The following NUP107 variants were observed in gnomAD, a reference collection of about 807,000 sequenced individuals.
NUP107 encodes nucleoporin 107.
NUP107 carries 101 observed loss-of-function variants against 141.0 expected under a neutral mutation model. The ratio of observed to expected loss-of-function variants is 0.72; its 90% CI spans 0.61 to 0.84. The LOEUF is 0.84. Among genes scored for constraint, NUP107 ranks in the 40% least tolerant of loss-of-function variants. The probability of loss-of-function intolerance (pLI) is 0.00; values close to 1 mark genes in which losing one functional copy is unlikely to be tolerated. For missense variants in NUP107, 941 were observed against 1,102.7 expected (o/e 0.85, Z 2.08); for synonymous variants, 319 against 363.9 (o/e 0.88, Z 1.41).
At chr12:68,718,203 A>G (rs931606849) in intron 12 of NUP107, among the ~76,000 whole-genome samples, 52 of 152,318 alleles carry the variant, frequency 3.4e-4, no homozygotes, top group African/African-American at 1.2e-3. Context: ...ACATGGAGCT[A>G]GCAATCTCAG....
intron 11 of NUP107, 62 bp from the exon 12 acceptor site, chr12:68,715,565 T>C (rs1877066236): frequency 1.2e-6 from 1 of 846,888 alleles, no homozygotes; most frequent in African/African-American, 1.7e-5. Flanking sequence ...CTTGATGATG[T>C]GTAAAATGTA....
intron 26 of NUP107, among the ~76,000 whole-genome samples, chr12:68,741,213 T>A (rs1878306804): frequency 6.6e-6 from 1 of 152,322 alleles, no homozygotes. Flanking sequence ...TTAAGAAAGA[T>A]CCATGTATGT....
At chr12:68,687,760 T>C (rs1462459759) in intron 1 of NUP107, 2 of 529,978 alleles carry the variant, frequency 3.8e-6, no homozygotes, top group East Asian at 1.5e-4. Context: ...GTTGAATATA[T>C]ATTATTAGCT....
rs1447469197 is a variant in NUP107, at chr12:68,688,995, C to G, written c.42C>G (p.Ile14Met). ...SGFGEISSPV[I>M]REAEVTRTAR... ...TTGGAGAGATATCATCCCCTGTAAT[C>G]CGGGAGGCAGAGGTGACACGGACTG... The change falls in exon 2 of 28, where the codon ATC (isoleucine) becomes ATG (methionine). Residue 14 changes from isoleucine (I) to methionine (M), a missense_variant. Transcript: ENST00000229179. The G allele has an allele frequency of 1.2e-6, 2 of 1,613,608 alleles. No homozygotes were observed. Among genetic ancestry groups the G allele is most frequent in the South Asian group, 2.2e-5 (2 of 91,014 alleles).
chr12:68,736,709 G>GT (rs1249300867), intron 26 of NUP107, among the ~76,000 whole-genome samples: 6 of 141,534 alleles, frequency 4.2e-5, no homozygotes, highest in Non-Finnish European at 7.6e-5. Context: ...GAGTCAATGT[G>GT]TCGCCACCTT....
intron 5 of NUP107, among the ~76,000 whole-genome samples, chr12:68,694,144 A>G (rs1592492249): frequency 6.6e-6 from 1 of 152,204 alleles, no homozygotes; most frequent in Non-Finnish European, 1.5e-5. Context: ...TTTGGTAACT[A>G]CTACTTTCTT....
rs573932879 is a variant in NUP107 at position 68,713,068 on chromosome 12, T to C, written c.891-662T>C. On this transcript the variant is annotated intron_variant, in intron 10 of 27. Transcript: ENST00000229179. Reference sequence around the variant, plus strand: ...GGTTTGACTTTATCAAAATTAAAAATGTATCATTAAAAAAACACCATTGGC... The same window carrying C: ...GGTTTGACTTTATCAAAATTAAAAACGTATCATTAAAAAAACACCATTGGC... Among the ~76,000 whole-genome samples the C allele has an allele frequency of 2.6e-5, 4 of 151,786 alleles. No homozygotes were observed. The East Asian group carries it at 5.8e-4, about 22-fold the overall frequency.
intron 15 of NUP107, among the ~76,000 whole-genome samples, chr12:68,721,569 A>G (rs912670664): frequency 6.6e-6 from 1 of 152,170 alleles, no homozygotes; most frequent in Non-Finnish European, 1.5e-5. Context: ...TATTATAGCT[A>G]TCTTTAGGGA....
rs1877808138 is a variant in NUP107 at position 68,731,193 on chromosome 12, A to G, written c.1818A>G (p.Ala606=). ...LPQDLAVAQY[A]LFLESVTEFE... ...AAGACCTAGCTGTTGCCCAGTATGCATTATTTTTGGAAAGTGTTACAGAAT... is the reference window on the plus strand; with the variant it reads ...AAGACCTAGCTGTTGCCCAGTATGCGTTATTTTTGGAAAGTGTTACAGAAT... The change falls in exon 21 of 28, where the codon GCA becomes GCG. Residue 606 remains alanine (A), a synonymous_variant. Coordinates refer to ENST00000229179, the MANE Select transcript of NUP107 (RefSeq NM_020401.4). 2 of 1,612,618 alleles carry G rather than the reference A, an allele frequency of 1.2e-6. No homozygotes were observed. Among genetic ancestry groups the G allele is most frequent in the East Asian group, 4.5e-5 (2 of 44,794 alleles).
chr12:68,726,328 G>A (rs1413040122), intron 18 of NUP107, among the ~76,000 whole-genome samples, 171 bp from the exon 19 acceptor site: 4 of 152,080 alleles, frequency 2.6e-5, no homozygotes, highest in Non-Finnish European at 5.9e-5. Context: ...AATAAAGTTC[G>A]GATTGAACCC....
In NUP107 at chr12:68,726,557, C is replaced by T. The variant is rs1877572787; in HGVS notation, c.1635C>T (p.His545=). The part of the protein sequence containing the change: ...LSKSRNNLPG[H]LLRFMTHLIL... Reference sequence around the variant, plus strand: ...AAAGCAGAAACAATCTACCTGGACACCTGCTTCGCTTTATGACTCACCTTA... The same window carrying T: ...AAAGCAGAAACAATCTACCTGGACATCTGCTTCGCTTTATGACTCACCTTA... The change falls in exon 19 of 28, where the codon CAC becomes CAT. Residue 545 remains histidine (H), a synonymous_variant. Transcript: ENST00000229179. The T allele has an allele frequency of 6.2e-7, 1 of 1,614,016 alleles. No homozygotes were observed. The highest frequency in any genetic ancestry group is 1.7e-5 in the Admixed American group (1 of 60,022).
intron 26 of NUP107, among the ~76,000 whole-genome samples, chr12:68,738,877 T>TA (rs1878198116): frequency 6.6e-6 from 1 of 152,244 alleles, no homozygotes; most frequent in Non-Finnish European, 1.5e-5. Context: ...GCGACTGTCT[T>TA]ACCCAGAACT....
Position 68,741,839 on chromosome 12 carries a change from A to G in NUP107, c.2529A>G (p.Thr843=), listed in dbSNP as rs759297285. ...REDAKEDHER[T]HQMVLLRKLC... is the part of the protein sequence containing the mutation. Reference sequence around the variant, plus strand: ...ATGCCAAAGAAGACCATGAAAGAACACATCAAATGGTCTTACTGAGAAAGC... The same window carrying G: ...ATGCCAAAGAAGACCATGAAAGAACGCATCAAATGGTCTTACTGAGAAAGC... Residue 843 remains threonine (T), a synonymous_variant, in exon 27 of 28, where the codon ACA becomes ACG. Transcript: ENST00000229179. 28 of 1,613,408 alleles carry G rather than the reference A, an allele frequency of 1.7e-5. No individual in the cohort carries two copies. The highest frequency in any genetic ancestry group is 1.7e-5 in the Non-Finnish European group (20 of 1,179,774).
rs776719398 is a variant in NUP107, at chr12:68,692,109, G to A, written c.445G>A (p.Ala149Thr). Residue 149 changes from alanine to threonine, a missense_variant, in exon 5 of 28, where the codon GCT becomes ACT. By Grantham distance (58) the Ala-to-Thr change is moderately conservative. Coordinates refer to ENST00000229179, the MANE Select transcript of NUP107 (RefSeq NM_020401.4). ...GTTACGTGAGGATGATCCTGGAGAAGCTGGTAAAATGGCATTGAGCTTTGT... is the reference window on the plus strand; with the variant it reads ...GTTACGTGAGGATGATCCTGGAGAAACTGGTAAAATGGCATTGAGCTTTGT... ...VMLREDDPGE[A>T]ASMSMFSDFL... is the part of the protein sequence containing the mutation. 3 of 1,584,300 alleles carry A rather than the reference G, an allele frequency of 1.9e-6. No homozygotes were observed. The highest frequency in any genetic ancestry group is 2.6e-6 in the Non-Finnish European group (3 of 1,170,550).
chr12:68,705,764 G>A, intron 8 of NUP107: 1 of 730,396 alleles, frequency 1.4e-6, no homozygotes, highest in South Asian at 1.4e-5. Context: ...ATGGGCAGCA[G>A]CAGTTTCCGG....
chr12:68,710,651 T>TAA (rs35505754), intron 10 of NUP107, among the ~76,000 whole-genome samples: 22,605 of 110,456 alleles, frequency 0.2, 2,857 homozygotes, highest in South Asian at 0.45. Context: ...CAGGCCGTCT[T>TAA]AAAAAAAAAA....
chr12:68,713,817 T>A lies in NUP107; in HGVS notation c.969+9T>A, dbSNP rs1876984640. ...CGCTTGTCACTGAATTGGTAAATGT[T>A]CTTTGAAATGAAAGTTGCCTTCAAA... On this transcript the variant is annotated intron_variant, in intron 11 of 27. Transcript: ENST00000229179. 1.3e-6 allele frequency: 2 copies of A among 1,589,684 alleles called. No homozygotes were observed. Among genetic ancestry groups the A allele is most frequent in the Non-Finnish European group, 1.7e-6 (2 of 1,171,858 alleles).
rs1877886180 is a variant in NUP107 at position 68,732,718 on chromosome 12, G to A, written c.2080G>A (p.Ala694Thr). 3 of 1,602,468 alleles carry A rather than the reference G, an allele frequency of 1.9e-6. No individual in the cohort carries two copies. The South Asian group carries it at 3.3e-5, about 18-fold the overall frequency. Residue 694 changes from alanine (A) to threonine (T), a missense_variant, in exon 23 of 28, where the codon GCA becomes ACA. Ala to Thr is a moderately conservative substitution (Grantham distance 58, BLOSUM62 0). Coordinates refer to ENST00000229179, the MANE Select transcript of NUP107 (RefSeq NM_020401.4). Reference sequence around the variant, plus strand: ...GGCAGAAGCACTGAAACAAGGCAATGCAATTATGAGAAAATTCTTGGGTAT... The same window carrying A: ...GGCAGAAGCACTGAAACAAGGCAATACAATTATGAGAAAATTCTTGGGTAT... ...QRAEALKQGNAIMRKFLASKK... is the reference protein window; with the variant it reads ...QRAEALKQGNTIMRKFLASKK...
chr12:68,707,458 G>A (rs1203978763), intron 8 of NUP107, among the ~76,000 whole-genome samples: 1 of 152,134 alleles, frequency 6.6e-6, no homozygotes, highest in Admixed American at 6.5e-5. Flanking sequence ...AAACTTAGCC[G>A]GGCATGGTGG....
Sources: allele counts gnomAD v4.1 joint callset (sites outside exome capture counted in the v4.1 genomes callset), GRCh38; gene constraint gnomAD v4.1.1; transcripts MANE v1.5; gene names NCBI Gene and HGNC (gene_info 2026-07-23, HGNC 2026-07-21).